The following GALNT3 variants were observed in gnomAD, a reference collection of about 807,000 sequenced individuals.
GALNT3 encodes the protein GalNAc transferase 3.
A neutral mutation model predicts 69.8 loss-of-function variants in GALNT3; 51 were observed. The observed-to-expected ratio is 0.73, with a 90% CI of 0.58 to 0.92. The LOEUF is 0.92. Ranked by LOEUF, GALNT3 falls within the 40% of genes least tolerant of loss-of-function variation. GALNT3 has a pLI of 0.00. For synonymous variants in GALNT3, 265 were observed against 248.5 expected, an observed-to-expected ratio of 1.07 and a Z score of -0.63; for missense variants, 711 against 760.0, an observed-to-expected ratio of 0.94 and a Z score of 0.76.
chr2:165,754,599 A>T, intron 9 of GALNT3, 28 bp downstream of exon 9: 1 of 1,495,398 alleles, frequency 6.7e-7, no homozygotes, highest in Non-Finnish European at 9.3e-7. Flanking sequence ...ATGCTTTACA[A>T]GTGAAGGATT....
chr2:165,791,096 A>G (rs945731361), intron 1 of GALNT3, among the ~76,000 whole-genome samples: 2 of 152,198 alleles, frequency 1.3e-5, no homozygotes, highest in Non-Finnish European at 2.9e-5. Flanking sequence ...AACACAAAAT[A>G]TGTATAATGA....
intron 7 of GALNT3, among the ~76,000 whole-genome samples, chr2:165,756,294 T>G (rs968549116): frequency 6.6e-5 from 10 of 152,192 alleles, no homozygotes; most frequent in Non-Finnish European, 1.2e-4. Flanking sequence ...TCTTAAACTA[T>G]CTAGTTAATT....
chr2:165,789,394 C>T (rs1683295754), intron 1 of GALNT3, among the ~76,000 whole-genome samples: 1 of 152,202 alleles, frequency 6.6e-6, no homozygotes, highest in Admixed American at 6.5e-5. Flanking sequence ...CTCCCAAAGA[C>T]CCTACTCCTA....
Position 165,764,484 on chromosome 2 carries a change from T to G in GALNT3, c.688+400A>C, listed in dbSNP as rs1040921306. Among the ~76,000 whole-genome samples, 6 of 152,322 alleles carry G rather than the reference T, an allele frequency of 3.9e-5. No homozygotes were observed. In the East Asian group the frequency reaches 1.2e-3, roughly 29 times the overall value. On this transcript the variant is annotated intron_variant, in intron 3 of 10. Transcript: ENST00000392701. Reference sequence around the variant, plus strand: ...TATAAATTAACAACACATAATATATTTAATGAAATATGGCATTATTCCCAT... The same window carrying G: ...TATAAATTAACAACACATAATATATGTAATGAAATATGGCATTATTCCCAT...
intron 3 of GALNT3, among the ~76,000 whole-genome samples, chr2:165,763,450 G>T (rs549187472): frequency 6.6e-6 from 1 of 152,248 alleles, no homozygotes; most frequent in Admixed American, 6.5e-5. Flanking sequence ...AAACACTGTT[G>T]TCTCAGAGTA....
chr2:165,785,966 T>TA (rs955575148), intron 1 of GALNT3, among the ~76,000 whole-genome samples: 1 of 151,742 alleles, frequency 6.6e-6, no homozygotes, highest in Non-Finnish European at 1.5e-5. Flanking sequence ...CTTCTAGGAT[T>TA]AAAAAAAAAT....
At chr2:165,751,690 T>A (rs1688360485) in intron 9 of GALNT3, among the ~76,000 whole-genome samples, 1 of 152,126 alleles carries the variant, frequency 6.6e-6, no homozygotes, top group African/African-American at 2.4e-5. Context: ...AATCAAGTTA[T>A]AATGACTCAA....
At chr2:165,767,792 A>G (rs1688669648) in intron 2 of GALNT3, among the ~76,000 whole-genome samples, 1 of 151,902 alleles carries the variant, frequency 6.6e-6, no homozygotes, top group Admixed American at 6.6e-5. Flanking sequence ...ATTTCTAATG[A>G]GCATGGAAAA....
At chr2:165,789,083 A>T (rs948579090) in intron 1 of GALNT3, among the ~76,000 whole-genome samples, 1 of 152,228 alleles carries the variant, frequency 6.6e-6, no homozygotes, top group Admixed American at 6.5e-5. Flanking sequence ...GAAAGGTATA[A>T]AATGTTAAGT....
upstream of GALNT3, chr2:165,794,534 C>T (rs1188269739): frequency 6.6e-6 from 1 of 152,324 alleles, no homozygotes; most frequent in Admixed American, 6.5e-5. Flanking sequence ...TCTGCTGGGT[C>T]CTTGGGGAAC....
At chr2:165,756,716 C>G (rs546640116) in intron 7 of GALNT3, among the ~76,000 whole-genome samples, 1 of 151,570 alleles carries the variant, frequency 6.6e-6, no homozygotes, top group Non-Finnish European at 1.5e-5. Flanking sequence ...CAAAAAGTCA[C>G]TTAGAACCTT....
At chr2:165,761,835 T>C in intron 4 of GALNT3, 70 bp downstream of exon 4, 4 of 1,534,478 alleles carry the variant, frequency 2.6e-6, no homozygotes, top group Non-Finnish European at 2.7e-6. Flanking sequence ...AAGAAAAGAC[T>C]TCCTTACCTT....
At chr2:165,777,901 C>G (rs1366432850) in intron 1 of GALNT3, among the ~76,000 whole-genome samples, 3 of 152,164 alleles carry the variant, frequency 2.0e-5, no homozygotes, top group African/African-American at 7.2e-5. Context: ...TATCTGCAGG[C>G]TGTGAGACAA....
chr2:165,761,901 T>G lies in GALNT3; in HGVS notation c.838+4A>C. 6.2e-7 allele frequency: 1 copy of G among 1,614,020 alleles called. No individual in the cohort carries two copies. On this transcript the variant is annotated splice_donor_region_variant and intron_variant, in intron 4 of 10. Transcript: ENST00000392701. ...TACAACCATATCCATACATATATAC[T>G]TACAGTGAGCATCTAAAAATGTGAG...
intron 8 of GALNT3, 24 bp downstream of exon 8, chr2:165,754,906 TAA>T: frequency 1.2e-6 from 2 of 1,611,406 alleles, no homozygotes; most frequent in Non-Finnish European, 1.7e-6. Flanking sequence ...GTATATTAAT[TAA>T]AAAAGGAACA....
chr2:165,774,277 T>C (rs1277031720), intron 1 of GALNT3, among the ~76,000 whole-genome samples: 2 of 152,186 alleles, frequency 1.3e-5, no homozygotes, highest in African/African-American at 4.8e-5. Context: ...TTTCTGCAGC[T>C]AGAAGTAGGC....
At chr2:165,785,367 C>T (rs1465082538) in intron 1 of GALNT3, among the ~76,000 whole-genome samples, 1 of 152,084 alleles carries the variant, frequency 6.6e-6, no homozygotes, top group African/African-American at 2.4e-5. Context: ...AAAAAACATA[C>T]ATATTGTTTT....
intron 4 of GALNT3, among the ~76,000 whole-genome samples, chr2:165,760,874 A>T (rs1465404434): frequency 6.6e-6 from 1 of 152,116 alleles, no homozygotes; most frequent in Non-Finnish European, 1.5e-5. Context: ...TGACACATTG[A>T]CTCTAAAAAT....
chr2:165,785,097 T>G (rs888795929), intron 1 of GALNT3, among the ~76,000 whole-genome samples: 1 of 152,178 alleles, frequency 6.6e-6, no homozygotes, highest in Non-Finnish European at 1.5e-5. Flanking sequence ...GGATGACTTC[T>G]AGAAATCCCA....
Sources: allele counts gnomAD v4.1 joint callset (sites outside exome capture counted in the v4.1 genomes callset), GRCh38; gene constraint gnomAD v4.1.1; transcripts MANE v1.5; gene names NCBI Gene and HGNC (gene_info 2026-07-23, HGNC 2026-07-21).